ARHGAP26: variants seen among roughly 807,000 people sequenced by gnomAD.
The protein encoded by ARHGAP26 is rho GTPase-activating protein 26.
Under a neutral mutation model 104.8 loss-of-function variants are expected in ARHGAP26, and 38 were observed. That is an observed-to-expected ratio of 0.36 (90% CI 0.28 to 0.48). ARHGAP26 has a LOEUF of 0.48. Ranked by LOEUF, ARHGAP26 falls within the 20% of genes least tolerant of loss-of-function variation. ARHGAP26 has a pLI of 0.99. For synonymous variants in ARHGAP26, 341 were observed against 340.0 expected (o/e 1.00, Z -0.03); for missense variants, 704 against 947.9 (o/e 0.74, Z 3.38).
chr5:142,803,042 C>A (rs531813809), intron 1 of ARHGAP26, among the ~76,000 whole-genome samples: 1 of 152,044 alleles, frequency 6.6e-6, no homozygotes, highest in South Asian at 2.1e-4. Context: ...CAGCCTCATG[C>A]GCAGACTGTC....
intron 11 of ARHGAP26, among the ~76,000 whole-genome samples, chr5:142,999,332 C>T (rs1776874083): frequency 1.3e-5 from 2 of 152,066 alleles, no homozygotes; most frequent in Admixed American, 1.3e-4. Context: ...GCACACTTAC[C>T]TGCTTGTCCT....
chr5:143,089,941 G>A (rs188871925), intron 17 of ARHGAP26, among the ~76,000 whole-genome samples: 201 of 152,326 alleles, frequency 1.3e-3, no homozygotes, highest in African/African-American at 4.5e-3. Flanking sequence ...AAGCATAAGT[G>A]CCACTCCAGT....
intron 20 of ARHGAP26, among the ~76,000 whole-genome samples, chr5:143,167,762 G>A (rs992862050): frequency 1.3e-5 from 2 of 152,204 alleles, no homozygotes; most frequent in South Asian, 2.1e-4. Context: ...TCCAGCAGCC[G>A]TGTTCTCCAT....
At chr5:142,855,374 A>G (rs942331583) in intron 1 of ARHGAP26, among the ~76,000 whole-genome samples, 1 of 152,140 alleles carries the variant, frequency 6.6e-6, no homozygotes, top group African/African-American at 2.4e-5. Flanking sequence ...CTGAGATGAA[A>G]TGAAGTGGAG....
At chr5:143,035,672 A>C (rs1034241545) in intron 12 of ARHGAP26, among the ~76,000 whole-genome samples, 1 of 152,170 alleles carries the variant, frequency 6.6e-6, no homozygotes, top group African/African-American at 2.4e-5. Flanking sequence ...GCGGTGGCTC[A>C]CGCCTGTAAT....
chr5:142,997,810 A>G (rs1776626001), intron 11 of ARHGAP26, among the ~76,000 whole-genome samples: 1 of 151,286 alleles, frequency 6.6e-6, no homozygotes, highest in South Asian at 2.1e-4. Flanking sequence ...TGGTCCCCAG[A>G]TGTAATGCTG....
intron 20 of ARHGAP26, among the ~76,000 whole-genome samples, chr5:143,154,563 C>T (rs1800249106): frequency 6.6e-6 from 1 of 152,202 alleles, no homozygotes; most frequent in African/African-American, 2.4e-5. Context: ...CTGTCCCACT[C>T]ACCTTCCCCC....
intron 5 of ARHGAP26, among the ~76,000 whole-genome samples, chr5:142,886,642 A>G (rs1598085780): frequency 6.6e-6 from 1 of 152,320 alleles, no homozygotes; most frequent in East Asian, 1.9e-4. Context: ...AAAAAGAAAC[A>G]AAAGCGGAGG....
rs77347326 is a variant in ARHGAP26, at chr5:142,907,633, G to T, written c.833-71G>T. ...TGAGCATTATGAATTATGGGTTGTGGTTTTTCCAGCTCATGATGTATAGCA... is the reference window on the plus strand; with the variant it reads ...TGAGCATTATGAATTATGGGTTGTGTTTTTTCCAGCTCATGATGTATAGCA... On this transcript the variant is annotated intron_variant, in intron 8 of 22. Transcript: ENST00000645722. The T allele has an allele frequency of 6.5e-4, 682 of 1,056,190 alleles. 7 individuals carry two copies. The African/African-American group carries it at 0.01, about 16-fold the overall frequency. 65.4% of individuals were successfully genotyped at this position (1,056,190 alleles called of 1,614,324 possible).
intron 1 of ARHGAP26, among the ~76,000 whole-genome samples, chr5:142,799,817 A>G (rs550247271): frequency 2.6e-5 from 4 of 152,354 alleles, no homozygotes; most frequent in African/African-American, 7.2e-5. Flanking sequence ...TTCATTCATG[A>G]GGGCGGAGCC....
At chr5:142,849,036 A>G (rs35293) in intron 1 of ARHGAP26, among the ~76,000 whole-genome samples, 16,397 of 152,204 alleles carry the variant, frequency 0.11, 1,439 homozygotes, top group East Asian at 0.49. Context: ...CATGTTGTTT[A>G]TTGGTTCCAT....
Position 142,875,141 on chromosome 5 carries a change from C to T in ARHGAP26, c.282C>T (p.Leu94=). 2 of 1,614,142 alleles carry T rather than the reference C, an allele frequency of 1.2e-6. No homozygotes were observed. The highest frequency in any genetic ancestry group is 1.7e-6 in the Non-Finnish European group (2 of 1,180,012). The stretch of plus-strand genomic sequence containing the variant: ...CTTTGCAGGAGTTTGCCACTGTCCT[C>T]AGGAATCTTGAAGATGAACGGATAC... ...ARSLQEFATV[L]RNLEDERIRM... is the part of the protein sequence containing the mutation. Residue 94 remains leucine, a synonymous_variant, in exon 3 of 23, where the codon CTC becomes CTT. Coordinates refer to ENST00000645722, the MANE Select transcript of ARHGAP26 (RefSeq NM_001135608.3).
chr5:143,089,113 T>A (rs141782931), intron 17 of ARHGAP26, among the ~76,000 whole-genome samples: 1 of 152,240 alleles, frequency 6.6e-6, no homozygotes, highest in Non-Finnish European at 1.5e-5. Context: ...TTAAAACTTA[T>A]ATCTAACAAT....
intron 1 of ARHGAP26, among the ~76,000 whole-genome samples, chr5:142,829,445 A>G (rs536853968): frequency 1.6e-4 from 24 of 152,254 alleles, no homozygotes; most frequent in African/African-American, 5.5e-4. Context: ...CTTCTTTTCC[A>G]CCCAAATTAG....
At chr5:142,820,473 T>G (rs1765938129) in intron 1 of ARHGAP26, among the ~76,000 whole-genome samples, 1 of 152,082 alleles carries the variant, frequency 6.6e-6, no homozygotes, top group African/African-American at 2.4e-5. Context: ...AAAACCCACC[T>G]AAGGCTCATA....
chr5:143,104,824 T>C (rs1411567502), intron 17 of ARHGAP26, among the ~76,000 whole-genome samples: 6 of 152,210 alleles, frequency 3.9e-5, no homozygotes, highest in Non-Finnish European at 8.8e-5. Context: ...GCAGTATGAT[T>C]CCAACTTGAT....
In ARHGAP26 at chr5:142,918,032, C is replaced by T. The variant is rs1020000236; in HGVS notation, c.1028+4739C>T. On this transcript the variant is annotated intron_variant, in intron 10 of 22. Transcript: ENST00000645722. ...AAAACTGTTGTCATTCTTTGAACAA[C>T]GAATGAACTGAAAATCAAATTAAGT... Among the ~76,000 whole-genome samples, 9 of 152,062 alleles carry T rather than the reference C, an allele frequency of 5.9e-5. No individual in the cohort carries two copies. In the South Asian group the frequency reaches 6.2e-4, roughly 11 times the overall value.
intron 10 of ARHGAP26, among the ~76,000 whole-genome samples, chr5:142,930,958 C>T: frequency 6.6e-6 from 1 of 152,170 alleles, no homozygotes; most frequent in East Asian, 1.9e-4. Context: ...CAGGGTGTTG[C>T]TCAGCCTGTG....
rs114560726 is a variant in ARHGAP26, at chr5:143,219,677, T to C, written c.2192-2681T>C. On this transcript the variant is annotated intron_variant, in intron 22 of 22. Coordinates refer to ENST00000645722, the MANE Select transcript of ARHGAP26 (RefSeq NM_001135608.3). ...GCTGCCTCCCTCCTCTATTAGTAAA[T>C]GACAATTTGCATTTTATCTCAGAGG... Among the ~76,000 whole-genome samples, 719 of 152,264 alleles carry C rather than the reference T, an allele frequency of 4.7e-3. 4 individuals carry two copies. Among genetic ancestry groups the C allele is most frequent in the African/African-American group, 0.016 (678 of 41,542 alleles).
Sources: gnomAD v4.1 joint callset for allele counts (sites outside exome capture counted in the v4.1 genomes callset) on GRCh38, gnomAD v4.1.1 for gene constraint, MANE v1.5 for transcripts, NCBI Gene and HGNC (gene_info 2026-07-23, HGNC 2026-07-21) for gene names.